The following MICU1 variants were observed in gnomAD, a reference collection of about 807,000 sequenced individuals.
The protein encoded by MICU1 is mitochondrial calcium uptake 1.
In MICU1, 45 loss-of-function variants were observed where a neutral mutation model predicts 56.8. The observed-to-expected ratio is 0.79, with a 90% confidence interval of 0.62 to 1.02. The LOEUF (loss-of-function observed/expected upper bound fraction) is 1.02. MICU1 is among the 50% of genes least tolerant of loss of function. The probability of loss-of-function intolerance (pLI) is 0.00; values close to 1 mark genes in which losing one functional copy is unlikely to be tolerated. For synonymous variants in MICU1, 186 were observed against 195.1 expected (o/e 0.95, Z 0.39); for missense variants, 504 against 587.1 (o/e 0.86, Z 1.46).
chr10:72,500,623 T>C (rs976550031), intron 6 of MICU1, among the ~76,000 whole-genome samples: 7 of 151,992 alleles, frequency 4.6e-5, no homozygotes, highest in Admixed American at 2.0e-4. Flanking sequence ...TGCCCAATTA[T>C]AAATGTTTTA....
chr10:72,562,139 C>T (rs900894560), intron 3 of MICU1, among the ~76,000 whole-genome samples: 1 of 126,362 alleles, frequency 7.9e-6, no homozygotes, highest in African/African-American at 2.8e-5. Context: ...GTGTTAATTA[C>T]ATAAAATCTT....
intron 9 of MICU1, among the ~76,000 whole-genome samples, chr10:72,409,928 A>T (rs1863753398): frequency 6.6e-6 from 1 of 152,130 alleles, no homozygotes; most frequent in Non-Finnish European, 1.5e-5. Context: ...CTCTCTCCCC[A>T]CAACATGTCC....
At chr10:72,400,748 AAAAT>A (rs1414850343) in intron 10 of MICU1, among the ~76,000 whole-genome samples, 9 of 152,098 alleles carry the variant, frequency 5.9e-5, no homozygotes, top group African/African-American at 1.9e-4. Context: ...CTCCATCTAA[AAAAT>A]AAATAAATAA....
intron 1 of MICU1, among the ~76,000 whole-genome samples, chr10:72,617,784 G>A (rs192464693): frequency 2.6e-5 from 4 of 152,228 alleles, no homozygotes; most frequent in Admixed American, 2.0e-4. Flanking sequence ...GTAAGCTGTG[G>A]TCACACTACT....
At chr10:72,619,358 C>T (rs1351279945) in intron 1 of MICU1, among the ~76,000 whole-genome samples, 2 of 152,098 alleles carry the variant, frequency 1.3e-5, no homozygotes, top group African/African-American at 2.4e-5. Context: ...GGCAGGAGAA[C>T]GGTGTGAACC....
chr10:72,498,483 G>A (rs1020899250), intron 6 of MICU1, among the ~76,000 whole-genome samples: 1 of 152,196 alleles, frequency 6.6e-6, no homozygotes, highest in Admixed American at 6.5e-5. Context: ...CTACTTGGGA[G>A]GTTGAGGAAG....
chr10:72,497,350 G>A (rs1383985671), intron 6 of MICU1, among the ~76,000 whole-genome samples: 3 of 152,080 alleles, frequency 2.0e-5, no homozygotes, highest in East Asian at 1.9e-4. Context: ...GAGCCACCAC[G>A]CCCAGCCCAA....
At chr10:72,517,282 A>G (rs979649135) in intron 5 of MICU1, among the ~76,000 whole-genome samples, 1 of 152,164 alleles carries the variant, frequency 6.6e-6, no homozygotes, top group African/African-American at 2.4e-5. Context: ...GTATTTACTC[A>G]AAGGAAAAGG....
At chr10:72,605,711 T>C (rs1465931485) in intron 1 of MICU1, among the ~76,000 whole-genome samples, 1 of 152,204 alleles carries the variant, frequency 6.6e-6, no homozygotes, top group East Asian at 1.9e-4. Context: ...AGGATGTGCA[T>C]AGGTTATACG....
chr10:72,567,526 T>C (rs1207460976), intron 1 of MICU1, among the ~76,000 whole-genome samples: 3 of 152,104 alleles, frequency 2.0e-5, no homozygotes, highest in African/African-American at 4.8e-5. Flanking sequence ...CAGCTATGTA[T>C]GTCAGAGAAA....
chr10:72,418,557 T>C (rs1180543059), intron 9 of MICU1, among the ~76,000 whole-genome samples: 1 of 152,186 alleles, frequency 6.6e-6, no homozygotes, highest in Non-Finnish European at 1.5e-5. Context: ...AACAAGGCTG[T>C]TAGAAAGGAA....
intron 2 of MICU1, among the ~76,000 whole-genome samples, chr10:72,564,766 A>G (rs750041934): frequency 6.6e-6 from 1 of 152,020 alleles, no homozygotes; most frequent in Non-Finnish European, 1.5e-5. Flanking sequence ...AGCTCCAAAA[A>G]TGTACACAGA....
chr10:72,499,456 G>A (rs931137788), intron 6 of MICU1, among the ~76,000 whole-genome samples: 1 of 152,106 alleles, frequency 6.6e-6, no homozygotes, highest in Non-Finnish European at 1.5e-5. Context: ...GCCAGAAAAG[G>A]AAGTTATTGG....
At chr10:72,545,541 T>A (rs1839874718) in intron 4 of MICU1, among the ~76,000 whole-genome samples, 1 of 152,088 alleles carries the variant, frequency 6.6e-6, no homozygotes. Context: ...GTTGAAAGAG[T>A]TAAATTATTA....
chr10:72,421,040 T>C (rs1025616002), intron 9 of MICU1, among the ~76,000 whole-genome samples: 1 of 145,194 alleles, frequency 6.9e-6, no homozygotes, highest in Non-Finnish European at 1.5e-5. Flanking sequence ...ATAATAATAA[T>C]AAAAAGAAAA....
At chr10:72,544,770 A>T (rs1172039867) in intron 4 of MICU1, among the ~76,000 whole-genome samples, 1 of 152,172 alleles carries the variant, frequency 6.6e-6, no homozygotes, top group Non-Finnish European at 1.5e-5. Context: ...AATCGTACAG[A>T]ATATTTTTTT....
At chr10:72,469,124 TA>T (rs1255038532) in intron 8 of MICU1, among the ~76,000 whole-genome samples, 1 of 152,224 alleles carries the variant, frequency 6.6e-6, no homozygotes, top group Non-Finnish European at 1.5e-5. Flanking sequence ...AGAAGGCATG[TA>T]ATGTATATAA....
chr10:72,419,456 A>C (rs1864085541), intron 9 of MICU1, among the ~76,000 whole-genome samples: 1 of 152,232 alleles, frequency 6.6e-6, no homozygotes, highest in African/African-American at 2.4e-5. Flanking sequence ...AGAAGCTGAC[A>C]CTTCCTCTCA....
intron 5 of MICU1, among the ~76,000 whole-genome samples, chr10:72,514,215 C>A (rs1867573829): frequency 6.6e-6 from 1 of 152,100 alleles, no homozygotes; most frequent in Non-Finnish European, 1.5e-5. Context: ...TTCTATGTAT[C>A]TATTGAAATT....
Sources: allele counts gnomAD v4.1 joint callset (sites outside exome capture counted in the v4.1 genomes callset), GRCh38; gene constraint gnomAD v4.1.1; transcripts MANE v1.5; gene names NCBI Gene and HGNC (gene_info 2026-07-23, HGNC 2026-07-21).